Variants in ATP10B observed in about 807,000 individuals in gnomAD.
The protein encoded by ATP10B is phospholipid-transporting ATPase VB.
ATP10B carries 122 observed loss-of-function variants against 141.2 expected under a neutral mutation model. The observed-to-expected ratio is 0.86, with a 90% CI of 0.75 to 1.00. The LOEUF is 1.00. ATP10B is among the 50% of genes least tolerant of loss of function. The pLI is 0.00. For missense variants in ATP10B, 1,876 were observed against 1,825.3 expected (o/e 1.03, Z -0.51); for synonymous variants, 685 against 692.0 (o/e 0.99, Z 0.16).
upstream of ATP10B, among the ~76,000 whole-genome samples, chr5:160,854,559 A>G (rs1047045112): frequency 1.3e-5 from 2 of 151,954 alleles, no homozygotes; most frequent in Non-Finnish European, 2.9e-5. Flanking sequence ...CATTTTCTTT[A>G]TCCAGTCTAT....
the ATP10B span, among the ~76,000 whole-genome samples, chr5:160,886,162 G>C: frequency 1.3e-5 from 2 of 152,152 alleles, no homozygotes; most frequent in African/African-American, 4.8e-5. Flanking sequence ...CCATGGCTGT[G>C]GTTGCCACAA....
At chr5:160,660,744 A>G (rs889532950) in intron 7 of ATP10B, among the ~76,000 whole-genome samples, 1 of 152,228 alleles carries the variant, frequency 6.6e-6, no homozygotes, top group African/African-American at 2.4e-5. Context: ...TGCAGTTCCT[A>G]TGACATAACA....
At chr5:160,814,007 G>T (rs1037560536) in intron 1 of ATP10B, among the ~76,000 whole-genome samples, 3 of 152,030 alleles carry the variant, frequency 2.0e-5, no homozygotes, top group African/African-American at 7.3e-5. Flanking sequence ...AAAGACCAAA[G>T]GTAGATACAA....
intron 1 of ATP10B, among the ~76,000 whole-genome samples, chr5:160,811,357 A>G (rs2127946873): frequency 6.6e-6 from 1 of 152,288 alleles, no homozygotes; most frequent in East Asian, 1.9e-4. Context: ...ACAGGGGAGT[A>G]GAGAACCAAG....
intron 2 of ATP10B, among the ~76,000 whole-genome samples, chr5:160,782,987 A>G (rs1362599837): frequency 6.6e-6 from 1 of 152,104 alleles, no homozygotes; most frequent in East Asian, 1.9e-4. Context: ...ATACACATGT[A>G]AGTTGTATGC....
the ATP10B span, among the ~76,000 whole-genome samples, chr5:160,864,022 A>T: frequency 2.6e-5 from 4 of 151,510 alleles, no homozygotes; most frequent in Admixed American, 6.6e-5. Flanking sequence ...GCATTCAAAG[A>T]AGAATTGGTG....
At chr5:160,594,682 G>A (rs1418686949) in intron 22 of ATP10B, among the ~76,000 whole-genome samples, 1 of 150,462 alleles carries the variant, frequency 6.6e-6, no homozygotes, top group Non-Finnish European at 1.5e-5. Context: ...CAAAATAAAA[G>A]GATGGAGGAA....
intron 3 of ATP10B, among the ~76,000 whole-genome samples, chr5:160,708,850 G>T (rs1270442522): frequency 6.6e-6 from 1 of 152,086 alleles, no homozygotes; most frequent in Non-Finnish European, 1.5e-5. Context: ...ACAATGCAAG[G>T]TTCTTGAATT....
chr5:160,896,206 C>A, the ATP10B span, among the ~76,000 whole-genome samples: 6 of 148,110 alleles, frequency 4.1e-5, no homozygotes, highest in African/African-American at 1.2e-4. Context: ...CAGAGCAGAA[C>A]TGAAGGAGAT....
At chr5:160,809,920 C>T (rs1304394996) in intron 1 of ATP10B, among the ~76,000 whole-genome samples, 2 of 152,054 alleles carry the variant, frequency 1.3e-5, no homozygotes, top group Admixed American at 6.6e-5. Flanking sequence ...CTTTAGTGAC[C>T]ATTTGGCTTT....
chr5:160,769,322 C>T (rs1369715670), intron 2 of ATP10B, among the ~76,000 whole-genome samples: 4 of 152,146 alleles, frequency 2.6e-5, no homozygotes, highest in Non-Finnish European at 4.4e-5. Context: ...GAGTGAAGTG[C>T]GTGTTACATA....
At chr5:160,646,785 A>G (rs1760306982) in intron 8 of ATP10B, among the ~76,000 whole-genome samples, 1 of 152,230 alleles carries the variant, frequency 6.6e-6, no homozygotes, top group Non-Finnish European at 1.5e-5. Flanking sequence ...AGAATGGTAG[A>G]AAAGGATTTG....
At chr5:160,775,603 G>T (rs1469850667) in intron 2 of ATP10B, among the ~76,000 whole-genome samples, 2 of 151,710 alleles carry the variant, frequency 1.3e-5, no homozygotes, top group Non-Finnish European at 2.9e-5. Flanking sequence ...ATGTTGCCTG[G>T]GTTCAAATCC....
chr5:160,924,511 G>A, the ATP10B span, among the ~76,000 whole-genome samples: 1 of 152,210 alleles, frequency 6.6e-6, no homozygotes. Flanking sequence ...AAGCACCTGA[G>A]AGCCTTGCGT....
At chr5:160,755,836 AAAATATATATATATATATATATAT>A (rs1416110753) in intron 2 of ATP10B, among the ~76,000 whole-genome samples, 2 of 57,372 alleles carry the variant, frequency 3.5e-5, no homozygotes, top group African/African-American at 1.0e-4. Context: ...AAAAAAAAAA[AAAATATATATATATATATATATAT>A]ATATATATAT....
At chr5:160,585,129 CT>C (rs1755804157) in intron 24 of ATP10B, among the ~76,000 whole-genome samples, 1 of 152,184 alleles carries the variant, frequency 6.6e-6, no homozygotes, top group South Asian at 2.1e-4. Context: ...TTTAGAGAGG[CT>C]GAAGCCATTT....
chr5:160,910,129 C>G, the ATP10B span, among the ~76,000 whole-genome samples: 6 of 152,238 alleles, frequency 3.9e-5, no homozygotes, highest in East Asian at 1.2e-3. Flanking sequence ...TAAGCTGCAT[C>G]CACACTCTGT....
At chr5:160,653,220 T>A (rs1241018591) in intron 7 of ATP10B, among the ~76,000 whole-genome samples, 1 of 136,278 alleles carries the variant, frequency 7.3e-6, no homozygotes, top group Non-Finnish European at 1.5e-5. Context: ...ATATCATATA[T>A]ACATACAAAT....
At chr5:160,578,882 G>A (rs969159244) in intron 24 of ATP10B, among the ~76,000 whole-genome samples, 1 of 152,168 alleles carries the variant, frequency 6.6e-6, no homozygotes, top group Non-Finnish European at 1.5e-5. Flanking sequence ...CATTCTAACT[G>A]GAGTGAGATG....
Sources: allele counts gnomAD v4.1 joint callset (sites outside exome capture counted in the v4.1 genomes callset), GRCh38; gene constraint gnomAD v4.1.1; transcripts MANE v1.5; gene names NCBI Gene and HGNC (gene_info 2026-07-23, HGNC 2026-07-21).